CEP97: variants seen among roughly 807,000 people sequenced by gnomAD.
CEP97 encodes the protein centrosomal protein 97, also known as centrosomal protein of 97 kDa.
In CEP97, 43 loss-of-function variants were observed where a neutral mutation model predicts 73.1. The observed-to-expected ratio is 0.59, with a 90% CI of 0.46 to 0.76. CEP97 has a LOEUF of 0.76. Among genes scored for constraint, CEP97 ranks in the 30% least tolerant of loss-of-function variants. The pLI is 0.00. For synonymous variants in CEP97, 337 were observed against 370.0 expected (o/e 0.91, Z 1.02); for missense variants, 939 against 1,014.0 (o/e 0.93, Z 1.00).
At chr3:101,728,743 G>T in intron 3 of CEP97, 93 bp from the exon 4 acceptor site, 1 of 788,508 alleles carries the variant, frequency 1.3e-6, no homozygotes, top group South Asian at 1.5e-5. Flanking sequence ...AATAAGAGGA[G>T]GGAAGACACT....
chr3:101,731,875 T>A lies in CEP97; in HGVS notation c.483T>A (p.Leu161=). ...LLLHGNIITS[L]RMAPAYLPRS... is the part of the protein sequence containing the mutation. ...TACATGGAAACATCATCACCTCTCT[T>A]AGAATGGCACCTGCTTACCTACCCA... Residue 161 remains leucine (L), a synonymous_variant, in exon 5 of 11, where the codon CTT becomes CTA. Coordinates refer to ENST00000341893, the MANE Select transcript of CEP97 (RefSeq NM_024548.4). The A allele has an allele frequency of 6.2e-7, 1 of 1,610,022 alleles. No individual in the cohort carries two copies. Among genetic ancestry groups the A allele is most frequent in the Non-Finnish European group, 8.5e-7 (1 of 1,176,370 alleles).
intron 6 of CEP97, among the ~76,000 whole-genome samples, chr3:101,745,270 T>A (rs1027560016): frequency 6.6e-6 from 1 of 152,314 alleles, no homozygotes; most frequent in South Asian, 2.1e-4. Context: ...ATTTTCTTTT[T>A]AATTTTCAGA....
At chr3:101,732,751 T>G in intron 6 of CEP97, 97 bp downstream of exon 6, 1 of 1,062,914 alleles carries the variant, frequency 9.4e-7, no homozygotes, top group Non-Finnish European at 1.4e-6. Flanking sequence ...TGCATTTAGA[T>G]AACAAGAGTA....
intron 10 of CEP97, among the ~76,000 whole-genome samples, chr3:101,762,826 G>A (rs1020201071): frequency 1.3e-5 from 2 of 152,160 alleles, no homozygotes; most frequent in Non-Finnish European, 2.9e-5. Context: ...GGCTGTTAGA[G>A]CTTTCCAATA....
chr3:101,737,925 G>A (rs1938329536), intron 6 of CEP97, among the ~76,000 whole-genome samples: 1 of 148,188 alleles, frequency 6.7e-6, no homozygotes, highest in African/African-American at 2.5e-5. Context: ...AACCATTGGT[G>A]TGCTGCACTC....
intron 10 of CEP97, among the ~76,000 whole-genome samples, chr3:101,763,846 T>C (rs1939234981): frequency 6.6e-6 from 1 of 152,204 alleles, no homozygotes; most frequent in Non-Finnish European, 1.5e-5. Flanking sequence ...TAACCTGTCT[T>C]ATTGAATAGA....
intron 1 of CEP97, among the ~76,000 whole-genome samples, chr3:101,724,961 G>T (rs931008202): frequency 1.3e-5 from 2 of 152,248 alleles, no homozygotes; most frequent in Non-Finnish European, 2.9e-5. Flanking sequence ...CGCGCGGCCC[G>T]GCGCCCTGGC....
chr3:101,745,363 C>T (rs1260478257), intron 6 of CEP97, among the ~76,000 whole-genome samples: 3 of 152,134 alleles, frequency 2.0e-5, no homozygotes, highest in African/African-American at 4.8e-5. Context: ...CGGGCTCAAA[C>T]GATTCTTCTG....
rs1938122905 is a variant in CEP97, at chr3:101,731,904, G to T, written c.512G>T (p.Ser171Ile). The T allele has an allele frequency of 3.1e-6, 5 of 1,611,832 alleles. No homozygotes were observed. In the South Asian group the frequency reaches 5.5e-5, roughly 18 times the overall value. The change falls in exon 5 of 11, where the codon AGT becomes ATT. Residue 171 changes from serine to isoleucine, a missense_variant. Physicochemically the swap from Ser to Ile is moderately radical, Grantham distance 142 (BLOSUM62 -2). Coordinates refer to ENST00000341893, the MANE Select transcript of CEP97 (RefSeq NM_024548.4). ...LRMAPAYLPR[S>I]LAILSLAENE... ...ATGGCACCTGCTTACCTACCCAGAA[G>T]TCTTGCTATACTTTCTTTGGCAGAA...
chr3:101,748,129 C>CA (rs71625598), intron 6 of CEP97, among the ~76,000 whole-genome samples: 6,160 of 53,874 alleles, frequency 0.11, 1,070 homozygotes, highest in African/African-American at 0.25. Context: ...GACCTTGTCT[C>CA]AAAAAAAAAA....
At chr3:101,747,132 G>A (rs1938641902) in intron 6 of CEP97, among the ~76,000 whole-genome samples, 1 of 150,072 alleles carries the variant, frequency 6.7e-6, no homozygotes, top group Non-Finnish European at 1.5e-5. Flanking sequence ...GATTCCTCAG[G>A]AATCTAGAAC....
intron 6 of CEP97, among the ~76,000 whole-genome samples, chr3:101,737,667 C>T (rs1283215788): frequency 6.6e-6 from 1 of 152,124 alleles, no homozygotes; most frequent in Admixed American, 6.5e-5. Flanking sequence ...ACCAGGCCTG[C>T]CTTACAAGAA....
At chr3:101,756,395 A>G (rs759562328) in intron 7 of CEP97, among the ~76,000 whole-genome samples, 4 of 145,800 alleles carry the variant, frequency 2.7e-5, no homozygotes, top group Non-Finnish European at 6.0e-5. Context: ...GCAGGAGCTC[A>G]CTTTGTCACC....
chr3:101,741,475 C>T (rs1163683788), intron 6 of CEP97, among the ~76,000 whole-genome samples: 3 of 152,124 alleles, frequency 2.0e-5, no homozygotes, highest in Non-Finnish European at 4.4e-5. Context: ...TCAAAGTGAA[C>T]AGGCAACCTA....
intron 10 of CEP97, chr3:101,763,247 T>C (rs1939217627): frequency 1.7e-6 from 2 of 1,179,174 alleles, no homozygotes; most frequent in South Asian, 3.2e-5. Flanking sequence ...AATGAAAAAA[T>C]AATTATTGAT....
chr3:101,747,666 C>T (rs1407965445), intron 6 of CEP97, among the ~76,000 whole-genome samples: 2 of 151,248 alleles, frequency 1.3e-5, no homozygotes, highest in Non-Finnish European at 2.9e-5. Flanking sequence ...AAGCAATTCT[C>T]CTGCCTCTGC....
chr3:101,725,532 C>A (rs952486198), intron 1 of CEP97, among the ~76,000 whole-genome samples: 4 of 152,090 alleles, frequency 2.6e-5, no homozygotes, highest in African/African-American at 9.7e-5. Flanking sequence ...CTCTGTCGAC[C>A]CCTTGGAATT....
chr3:101,731,368 T>G (rs904652326), intron 4 of CEP97, among the ~76,000 whole-genome samples: 66 of 151,866 alleles, frequency 4.3e-4, no homozygotes, highest in African/African-American at 1.5e-3. Context: ...GCCTGGCTAA[T>G]TTTTTGATTT....
intron 7 of CEP97, among the ~76,000 whole-genome samples, chr3:101,756,209 G>A (rs150574623): frequency 0.05 from 7,549 of 151,166 alleles, 642 homozygotes; most frequent in African/African-American, 0.17. Context: ...ACAGGCATGC[G>A]CCACCACACC....
Sources: gnomAD v4.1 joint callset for allele counts (sites outside exome capture counted in the v4.1 genomes callset) on GRCh38, gnomAD v4.1.1 for gene constraint, MANE v1.5 for transcripts, NCBI Gene and HGNC (gene_info 2026-07-23, HGNC 2026-07-21) for gene names.